The following RASA1 variants were observed in gnomAD, a reference collection of about 807,000 sequenced individuals.
The protein encoded by RASA1 is ras GTPase-activating protein 1.
A neutral mutation model predicts 132.2 loss-of-function variants in RASA1; 25 were observed. That is an observed-to-expected ratio of 0.19 (90% CI 0.14 to 0.26). RASA1 has a LOEUF of 0.26. RASA1 is among the 10% of genes least tolerant of loss of function. The pLI, the probability that RASA1 is intolerant of heterozygous loss-of-function variation, is 1.00. For missense variants in RASA1, 964 were observed against 1,299.2 expected, an observed-to-expected ratio of 0.74 and a Z score of 3.97; for synonymous variants, 477 against 449.9, an observed-to-expected ratio of 1.06 and a Z score of -0.76.
rs1762543945 is a variant in RASA1, at chr5:87,391,774, CTT to C, written c.*892_*893del. On this transcript the variant is annotated 3_prime_UTR_variant, in exon 25 of 25. Transcript: ENST00000274376. ...GCAGACAACCTCATCAGCTGCCTAA[CTT>C]ATCCATCTTTGAACTTCTGACTACT... 1 of 231,954 alleles carries C rather than the reference CTT, an allele frequency of 4.3e-6. No homozygotes were observed. Among genetic ancestry groups the C allele is most frequent in the African/African-American group, 2.2e-5 (1 of 45,240 alleles). 14.4% of individuals were successfully genotyped at this position (231,954 alleles called of 1,614,324 possible).
At chr5:87,284,014 A>T (rs1754434581) in intron 1 of RASA1, among the ~76,000 whole-genome samples, 1 of 152,296 alleles carries the variant, frequency 6.6e-6, no homozygotes, top group South Asian at 2.1e-4. Context: ...TGTATCAACA[A>T]ATACCTCCTT....
intron 1 of RASA1, among the ~76,000 whole-genome samples, chr5:87,273,989 C>T (rs1336718101): frequency 1.3e-5 from 2 of 152,168 alleles, no homozygotes; most frequent in Non-Finnish European, 2.9e-5. Context: ...TGAGCCACCT[C>T]GCGGCCAATA....
Position 87,390,944 on chromosome 5 carries a change from T to C in RASA1, c.*61T>C. The C allele has an allele frequency of 8.7e-6, 13 of 1,496,214 alleles. No individual in the cohort carries two copies. In the Admixed American group the frequency reaches 1.2e-4, roughly 13 times the overall value. 92.7% of individuals were successfully genotyped at this position (1,496,214 alleles called of 1,614,324 possible). A position where few individuals can be genotyped will look rare whatever the true frequency, so the allele number is the denominator to read the frequency against. On this transcript the variant is annotated 3_prime_UTR_variant, in exon 25 of 25. Transcript: ENST00000274376. The stretch of plus-strand genomic sequence containing the variant: ...TGTCCAACATGGTAATTCACTTCAG[T>C]TTAATGTCTCCTTTGCTCTTGCCAA...
intron 20 of RASA1, among the ~76,000 whole-genome samples, chr5:87,382,716 A>G (rs1464814051): frequency 6.6e-6 from 1 of 152,166 alleles, no homozygotes; most frequent in Non-Finnish European, 1.5e-5. Context: ...AGCTGTTAGT[A>G]TAATTTTTGC....
chr5:87,312,510 A>G (rs551408509), intron 1 of RASA1, among the ~76,000 whole-genome samples: 5 of 152,240 alleles, frequency 3.3e-5, no homozygotes, highest in Non-Finnish European at 7.3e-5. Flanking sequence ...ATTGACAGCT[A>G]TAACCTACAG....
chr5:87,354,973 T>C (rs951634991), intron 9 of RASA1, among the ~76,000 whole-genome samples: 8 of 152,112 alleles, frequency 5.3e-5, no homozygotes, highest in Admixed American at 2.0e-4. Flanking sequence ...TGAAGGCTGA[T>C]AGAGGTGAGG....
At chr5:87,292,220 G>C (rs1359072209) in intron 1 of RASA1, among the ~76,000 whole-genome samples, 1 of 151,962 alleles carries the variant, frequency 6.6e-6, no homozygotes, top group African/African-American at 2.4e-5. Context: ...TGTGACTTTT[G>C]TGTCTGAGAA....
At chr5:87,377,107 A>C in intron 17 of RASA1, 67 bp downstream of exon 17, 1 of 1,503,906 alleles carries the variant, frequency 6.6e-7, no homozygotes, top group Non-Finnish European at 9.2e-7. Context: ...GGATATATGG[A>C]CTCTATCTCT....
At chr5:87,385,242 G>C (rs1374162884) in intron 21 of RASA1, 59 bp from the exon 22 acceptor site, 1 of 1,054,708 alleles carries the variant, frequency 9.5e-7, no homozygotes, top group African/African-American at 1.6e-5. Context: ...AATTTATAAT[G>C]GTTTAGCTGG....
At chr5:87,288,489 A>G (rs1041546921) in intron 1 of RASA1, among the ~76,000 whole-genome samples, 1 of 152,166 alleles carries the variant, frequency 6.6e-6, no homozygotes, top group Non-Finnish European at 1.5e-5. Context: ...AAGACCTGAC[A>G]GTACCTGCTT....
At chr5:87,346,925 C>T (rs1301666583) in intron 7 of RASA1, among the ~76,000 whole-genome samples, 1 of 151,822 alleles carries the variant, frequency 6.6e-6, no homozygotes, top group African/African-American at 2.4e-5. Flanking sequence ...GTGTGTTTTT[C>T]TTTTACCCCA....
At chr5:87,319,792 T>C (rs1341521152) in intron 1 of RASA1, among the ~76,000 whole-genome samples, 1 of 152,256 alleles carries the variant, frequency 6.6e-6, no homozygotes, top group Non-Finnish European at 1.5e-5. Flanking sequence ...TTTATGTAAA[T>C]TTCTACCACT....
Position 87,391,163 on chromosome 5 carries a change from T to C in RASA1, c.*280T>C. On this transcript the variant is annotated 3_prime_UTR_variant, in exon 25 of 25. Coordinates refer to ENST00000274376, the MANE Select transcript of RASA1 (RefSeq NM_002890.3). ...GACCACCTTTCACAAAACGAAATGC[T>C]ATGACTGTATCTTGATATCTCGAAC... 7.3e-6 allele frequency: 4 copies of C among 549,948 alleles called. No individual in the cohort carries two copies. The highest frequency in any genetic ancestry group is 1.3e-5 in the Non-Finnish European group (4 of 306,008). The allele number at this position is 549,948 out of a possible 1,614,324, so 34.1% of individuals were successfully genotyped here.
At chr5:87,322,375 G>T (rs886830710) in intron 1 of RASA1, among the ~76,000 whole-genome samples, 1 of 152,172 alleles carries the variant, frequency 6.6e-6, no homozygotes, top group African/African-American at 2.4e-5. Context: ...TATAGGTTGT[G>T]TGCTCCTTAT....
intron 7 of RASA1, 150 bp downstream of exon 7, chr5:87,346,874 A>G: frequency 1.8e-6 from 1 of 542,180 alleles, no homozygotes; most frequent in Non-Finnish European, 3.3e-6. Context: ...TGGTGTTTTT[A>G]TTTATATTTT....
intron 4 of RASA1, among the ~76,000 whole-genome samples, chr5:87,335,128 C>T (rs1192376722): frequency 6.6e-6 from 1 of 152,092 alleles, no homozygotes; most frequent in African/African-American, 2.4e-5. Flanking sequence ...GTGATCTGCC[C>T]GCCTTGGCCT....
rs556800506 is a variant in RASA1, at chr5:87,388,735, C to CA, written c.2926-657dup. Among the ~76,000 whole-genome samples, 1,373 of 152,302 alleles carry CA rather than the reference C, an allele frequency of 9.0e-3. 1 individual carries two copies. The highest frequency in any genetic ancestry group is 0.031 in the African/African-American group (1,275 of 41,570). ...TTGCAAACCTGACAGGTTCTCATTG[C>CA]ATTTTCATAGTGCAGTTCCTACTTA... is the stretch of plus-strand genomic sequence containing the variant. On this transcript the variant is annotated intron_variant, in intron 23 of 24. Coordinates refer to ENST00000274376, the MANE Select transcript of RASA1 (RefSeq NM_002890.3).
intron 23 of RASA1, 136 bp downstream of exon 23, chr5:87,387,039 C>T (rs1762111099): frequency 4.1e-6 from 3 of 738,414 alleles, no homozygotes; most frequent in Non-Finnish European, 6.8e-6. Context: ...TTTTTGTCTG[C>T]CTTCCTAAAC....
At chr5:87,356,436 C>T (rs1759656975) in intron 9 of RASA1, among the ~76,000 whole-genome samples, 1 of 150,246 alleles carries the variant, frequency 6.7e-6, no homozygotes, top group African/African-American at 2.5e-5. Flanking sequence ...GTGGCTGAGG[C>T]TGGAGTACAG....
Sources: allele counts gnomAD v4.1 joint callset (sites outside exome capture counted in the v4.1 genomes callset), GRCh38; gene constraint gnomAD v4.1.1; transcripts MANE v1.5; gene names NCBI Gene and HGNC (gene_info 2026-07-23, HGNC 2026-07-21).